Variants in AFTPH observed in about 807,000 individuals in gnomAD.
AFTPH encodes the protein aftiphilin protein.
AFTPH carries 7 observed loss-of-function variants against 72.5 expected under a neutral mutation model. That is an observed-to-expected ratio of 0.10 (90% CI 0.05 to 0.18). The LOEUF is 0.18. Ranked by LOEUF, AFTPH falls within the 10% of genes least tolerant of loss-of-function variation. The pLI is 1.00. For missense variants in AFTPH, 979 were observed against 1,060.5 expected, an observed-to-expected ratio of 0.92 and a Z score of 1.07; for synonymous variants, 337 against 370.1, an observed-to-expected ratio of 0.91 and a Z score of 1.03.
chr2:64,565,283 C>G (rs1225488275), intron 2 of AFTPH, among the ~76,000 whole-genome samples: 1 of 151,772 alleles, frequency 6.6e-6, no homozygotes, highest in Non-Finnish European at 1.5e-5. Context: ...GGAGACCATC[C>G]TGGCTAACAT....
intron 2 of AFTPH, among the ~76,000 whole-genome samples, chr2:64,561,640 C>T (rs1671749581): frequency 6.6e-6 from 1 of 152,058 alleles, no homozygotes; most frequent in Non-Finnish European, 1.5e-5. Flanking sequence ...GATGGCACCA[C>T]TGCGCTGAAG....
chr2:64,584,798 G>A (rs967591228), intron 7 of AFTPH, among the ~76,000 whole-genome samples: 3 of 151,872 alleles, frequency 2.0e-5, no homozygotes, highest in Non-Finnish European at 2.9e-5. Flanking sequence ...GGGTTTCACC[G>A]TTTTAGCCAG....
chr2:64,575,747 A>AT (rs201920735), intron 6 of AFTPH, among the ~76,000 whole-genome samples: 116 of 109,808 alleles, frequency 1.1e-3, no homozygotes, highest in African/African-American at 2.0e-3. Context: ...GTGTGTATAT[A>AT]TTTTTTTTGG....
chr2:64,592,197 T>A (rs1220409122), exon 9 of AFTPH: 2 of 571,074 alleles, frequency 3.5e-6, no homozygotes, highest in African/African-American at 3.8e-5. Context: ...AATGTATATT[T>A]ATTTACATAC....
exon 2 of AFTPH, chr2:64,551,802 A>G: frequency 6.2e-7 from 1 of 1,613,550 alleles, no homozygotes; most frequent in South Asian, 1.1e-5. Context: ...TTTACTTTCT[A>G]CCACCAGCAA....
At chr2:64,526,476 TAAATA>T (rs1429260950) in intron 1 of AFTPH, among the ~76,000 whole-genome samples, 2 of 152,228 alleles carry the variant, frequency 1.3e-5, no homozygotes, top group African/African-American at 4.8e-5. Flanking sequence ...ATAAATTATT[TAAATA>T]AAATGTTTAT....
chr2:64,564,758 T>A (rs1181465365), intron 2 of AFTPH, among the ~76,000 whole-genome samples: 2 of 152,214 alleles, frequency 1.3e-5, no homozygotes, highest in Admixed American at 6.5e-5. Context: ...TTGGCCTTAT[T>A]TATTACCCAA....
rs1670032980 is a variant in AFTPH, at chr2:64,538,831, T to C, written c.-32-12612T>C. ...GTGGCTCAGATAATTGAACTCTAACTGCACTTGGTTGCAGTTTTATAACCT... is the reference window on the plus strand; with the variant it reads ...GTGGCTCAGATAATTGAACTCTAACCGCACTTGGTTGCAGTTTTATAACCT... On this transcript the variant is annotated intron_variant, in intron 1 of 8. Transcript: ENST00000238856. Among the ~76,000 whole-genome samples, 4 of 152,292 alleles carry C rather than the reference T, an allele frequency of 2.6e-5. No homozygotes were observed. The South Asian group carries it at 8.3e-4, about 32-fold the overall frequency.
Position 64,571,889 on chromosome 2 carries a change from A to G in AFTPH, c.2272-1057A>G, listed in dbSNP as rs13422203. 4.5e-3 allele frequency among the ~76,000 whole-genome samples: 675 copies of G among 150,950 alleles called. 2 individuals carry two copies. Among genetic ancestry groups the G allele is most frequent in the African/African-American group, 0.016 (651 of 41,132 alleles). On this transcript the variant is annotated intron_variant, in intron 5 of 8. Transcript: ENST00000238856. ...ACTGATTTTTTTCCTCTTTATTTCT[A>G]TAGCCATACTGAACATCTATTTTTC...
chr2:64,579,640 T>TTGAACATAACTTATTC, intron 7 of AFTPH, 94 bp downstream of exon 7: 1 of 1,158,790 alleles, frequency 8.6e-7, no homozygotes. Flanking sequence ...CCTTTTTTGT[T>TTGAACATAACTTATTC]TGAACATAAC....
chr2:64,554,888 A>T (rs1306520098), intron 2 of AFTPH, among the ~76,000 whole-genome samples: 1 of 152,226 alleles, frequency 6.6e-6, no homozygotes, highest in African/African-American at 2.4e-5. Flanking sequence ...TAGAACTTTT[A>T]ACATCATCAG....
intron 2 of AFTPH, among the ~76,000 whole-genome samples, chr2:64,560,708 A>G (rs1039631455): frequency 2.0e-5 from 3 of 152,168 alleles, no homozygotes; most frequent in Non-Finnish European, 4.4e-5. Context: ...CCCCATCTCT[A>G]CTAAAACTAC....
intron 1 of AFTPH, among the ~76,000 whole-genome samples, chr2:64,544,029 A>G (rs1015663922): frequency 6.6e-6 from 1 of 152,172 alleles, no homozygotes; most frequent in Non-Finnish European, 1.5e-5. Context: ...TTGGGCTTCT[A>G]AACTGTTTCC....
intron 8 of AFTPH, among the ~76,000 whole-genome samples, chr2:64,589,715 A>G (rs988436380): frequency 6.6e-6 from 1 of 152,170 alleles, no homozygotes; most frequent in Admixed American, 6.5e-5. Context: ...GTCTGTTCCT[A>G]CACCCAAACT....
intron 8 of AFTPH, among the ~76,000 whole-genome samples, chr2:64,587,427 C>T (rs1442748842): frequency 1.3e-5 from 2 of 152,198 alleles, no homozygotes; most frequent in Non-Finnish European, 2.9e-5. Context: ...ACGAGTGATT[C>T]TCAATCGTAC....
intron 8 of AFTPH, among the ~76,000 whole-genome samples, chr2:64,591,020 GAAT>G (rs1190227224): frequency 6.6e-6 from 1 of 152,180 alleles, no homozygotes; most frequent in Non-Finnish European, 1.5e-5. Context: ...GGTCTAAAGC[GAAT>G]AATATGTATA....
chr2:64,585,503 C>T (rs1056092325), exon 8 of AFTPH: 1 of 1,613,496 alleles, frequency 6.2e-7, no homozygotes, highest in Non-Finnish European at 8.5e-7. Flanking sequence ...GATGCATTTG[C>T]AAGACTCATG....
exon 2 of AFTPH, chr2:64,552,324 A>G (rs766176038): frequency 1.1e-5 from 17 of 1,614,120 alleles, no homozygotes; most frequent in Non-Finnish European, 1.4e-5. Flanking sequence ...TTTGGGTAGA[A>G]GCTTGGATAA....
chr2:64,592,641 A>G (rs966474762), exon 9 of AFTPH: 1 of 152,580 alleles, frequency 6.6e-6, no homozygotes, highest in African/African-American at 2.4e-5. Flanking sequence ...GATCATTGTC[A>G]GAACTTGATT....
Sources: allele counts gnomAD v4.1 joint callset (sites outside exome capture counted in the v4.1 genomes callset), GRCh38; gene constraint gnomAD v4.1.1; transcripts MANE v1.5; gene names NCBI Gene and HGNC (gene_info 2026-07-23, HGNC 2026-07-21).